Variants in IP6K3 observed in about 807,000 individuals in gnomAD.
The protein encoded by IP6K3 is inositol hexakisphosphate kinase 3.
IP6K3 carries 20 observed loss-of-function variants against 28.8 expected under a neutral mutation model. The observed-to-expected ratio is 0.70, with a 90% CI of 0.49 to 1.01. IP6K3 has a LOEUF of 1.01. IP6K3 is among the 50% of genes least tolerant of loss of function. IP6K3 has a pLI of 0.00. For missense variants in IP6K3, 480 were observed against 537.1 expected (o/e 0.89, Z 1.05); for synonymous variants, 213 against 221.3 (o/e 0.96, Z 0.33).
At chr6:33,738,894 G>C (rs1766623680) in intron 1 of IP6K3, among the ~76,000 whole-genome samples, 1 of 152,158 alleles carries the variant, frequency 6.6e-6, no homozygotes, top group Non-Finnish European at 1.5e-5. Flanking sequence ...TTCAGTACAT[G>C]GGCTAGGAGT....
chr6:33,749,033 C>T (rs550179750), upstream of IP6K3, among the ~76,000 whole-genome samples: 2 of 152,284 alleles, frequency 1.3e-5, no homozygotes, highest in Non-Finnish European at 2.9e-5. Flanking sequence ...CCTTTCCCCC[C>T]AGCCCTGCGC....
the IP6K3 span, among the ~76,000 whole-genome samples, chr6:33,754,567 G>A: frequency 6.6e-5 from 10 of 152,046 alleles, no homozygotes; most frequent in African/African-American, 1.9e-4. Context: ...CTGGGCTGGC[G>A]GGGCTGAAGC....
intron 5 of IP6K3, 85 bp downstream of exon 5, chr6:33,725,356 C>T: frequency 7.3e-7 from 1 of 1,364,500 alleles, no homozygotes; most frequent in Non-Finnish European, 9.9e-7. Context: ...TGCAGGGGGG[C>T]AGTGGCATCT....
At chr6:33,728,997 T>C (rs1582205471) in intron 2 of IP6K3, among the ~76,000 whole-genome samples, 1 of 152,194 alleles carries the variant, frequency 6.6e-6, no homozygotes, top group African/African-American at 2.4e-5. Flanking sequence ...AAACAAGCCT[T>C]GTGAGATTTC....
In IP6K3 at chr6:33,726,735, C is replaced by T; in HGVS notation, c.585G>A (p.Arg195=). The change falls in exon 4 of 6, where the codon CGG becomes CGA. Residue 195 remains arginine, a synonymous_variant. Coordinates refer to ENST00000293756, the MANE Select transcript of IP6K3 (RefSeq NM_054111.5). Reference sequence around the variant, plus strand: ...TGAGGGGGATGGCAAGGATACGATGCCGCTTGTTCTCTGGGTACTCGGAGC... The same window carrying T: ...TGAGGGGGATGGCAAGGATACGATGTCGCTTGTTCTCTGGGTACTCGGAGC... The part of the protein sequence containing the change: ...RLCSEYPENK[R]HRFLLLENVV... 1 of 1,582,560 alleles carries T rather than the reference C, an allele frequency of 6.3e-7. No homozygotes were observed. The highest frequency in any genetic ancestry group is 8.6e-7 in the Non-Finnish European group (1 of 1,157,180).
At chr6:33,761,859 T>A in the IP6K3 span, among the ~76,000 whole-genome samples, 3 of 152,020 alleles carry the variant, frequency 2.0e-5, no homozygotes, top group South Asian at 6.2e-4. Context: ...TCATCCTCAG[T>A]CTCCTGGCCC....
intron 1 of IP6K3, among the ~76,000 whole-genome samples, chr6:33,740,460 C>T (rs1291198904): frequency 6.6e-6 from 1 of 152,242 alleles, no homozygotes; most frequent in Non-Finnish European, 1.5e-5. Context: ...TGTGCCAGTA[C>T]AGACCCTGCT....
At chr6:33,726,222 C>T (rs1766105190) in intron 4 of IP6K3, among the ~76,000 whole-genome samples, 1 of 152,204 alleles carries the variant, frequency 6.6e-6, no homozygotes, top group Non-Finnish European at 1.5e-5. Flanking sequence ...GGACTTACCT[C>T]CTCCCATAGT....
chr6:33,752,525 A>C, the IP6K3 span, among the ~76,000 whole-genome samples: 1 of 152,178 alleles, frequency 6.6e-6, no homozygotes, highest in African/African-American at 2.4e-5. Flanking sequence ...AAATCCTGAA[A>C]CACCACAGCT....
chr6:33,754,652 G>A, the IP6K3 span, among the ~76,000 whole-genome samples: 1 of 152,116 alleles, frequency 6.6e-6, no homozygotes, highest in African/African-American at 2.4e-5. Flanking sequence ...TGGTGGTCAG[G>A]GAATTTGTTC....
the IP6K3 span, among the ~76,000 whole-genome samples, chr6:33,755,401 G>T: frequency 6.6e-6 from 1 of 152,242 alleles, no homozygotes; most frequent in Non-Finnish European, 1.5e-5. Flanking sequence ...AGGCAGTGCC[G>T]GGAAGGGCAG....
At chr6:33,723,279 T>C (rs944202914) in intron 5 of IP6K3, 92 bp from the exon 6 acceptor site, 8 of 824,906 alleles carry the variant, frequency 9.7e-6, no homozygotes, top group Admixed American at 8.8e-5. Context: ...TGGGATAATA[T>C]ATGAACAGAT....
upstream of IP6K3, among the ~76,000 whole-genome samples, chr6:33,751,679 C>T (rs1767024784): frequency 6.6e-6 from 1 of 152,160 alleles, no homozygotes; most frequent in Non-Finnish European, 1.5e-5. The surrounding 1 kb of genome is among the most constrained non-coding windows in gnomAD (Gnocchi z 4.3). Context: ...GAGGGGCCAT[C>T]ATTCCCCTCA....
intron 2 of IP6K3, among the ~76,000 whole-genome samples, chr6:33,734,573 G>A (rs1766441027): frequency 6.6e-6 from 1 of 152,242 alleles, no homozygotes; most frequent in Non-Finnish European, 1.5e-5. Flanking sequence ...CTGGCAGAGT[G>A]TGGCTGAGCC....
the IP6K3 span, among the ~76,000 whole-genome samples, chr6:33,761,837 G>C: frequency 1.4e-4 from 21 of 152,036 alleles, no homozygotes; most frequent in African/African-American, 5.1e-4. Context: ...GCCTTCCCAG[G>C]GCCCAGTCTC....
chr6:33,735,396 C>T lies in IP6K3; in HGVS notation c.81G>A (p.Gly27=), dbSNP rs35046556. Residue 27 remains glycine, a synonymous_variant, in exon 2 of 6, where the codon GGG becomes GGA. Transcript: ENST00000293756. The part of the protein sequence containing the change: ...QLEPFLHQVG[G]HMSVMKYDEH... ...CGTCATACTTCATCACGCTCATGTG[C>T]CCCCCGACCTGGTGCAGGAAGGGCT... 1,199 of 1,605,902 alleles carry T rather than the reference C, an allele frequency of 7.5e-4. 10 individuals are homozygous for T. The African/African-American group carries it at 0.013, about 17-fold the overall frequency.
the IP6K3 span, among the ~76,000 whole-genome samples, chr6:33,757,619 T>A: frequency 6.6e-6 from 1 of 152,264 alleles, no homozygotes; most frequent in South Asian, 2.1e-4. Flanking sequence ...CTGTGCTAGT[T>A]CTCGTGGGAT....
chr6:33,741,458 C>T (rs1352177537), intron 1 of IP6K3, among the ~76,000 whole-genome samples: 2 of 151,718 alleles, frequency 1.3e-5, no homozygotes, highest in African/African-American at 4.8e-5. Context: ...CCTAAGCCAA[C>T]ATGGTGAAAC....
chr6:33,751,632 C>CT (rs1194244393), upstream of IP6K3, among the ~76,000 whole-genome samples: 1 of 152,062 alleles, frequency 6.6e-6, no homozygotes, highest in Non-Finnish European at 1.5e-5. This position sits in a 1 kb window ranked among gnomAD's most constrained non-coding sequence, Gnocchi z 4.3. Flanking sequence ...TCTTCACACA[C>CT]TTTATCTCGT....
Sources: gnomAD v4.1 joint callset for allele counts (sites outside exome capture counted in the v4.1 genomes callset) on GRCh38, gnomAD v4.1.1 for gene constraint, Gnocchi (gnomAD v3.1) non-coding constraint, MANE v1.5 for transcripts, NCBI Gene and HGNC (gene_info 2026-07-23, HGNC 2026-07-21) for gene names.